The following DCHS2 variants were observed in gnomAD, a reference collection of about 807,000 sequenced individuals.
DCHS2 encodes protocadherin-23.
A neutral mutation model predicts 182.4 loss-of-function variants in DCHS2; 142 were observed. The ratio of observed to expected loss-of-function variants is 0.78; its 90% CI spans 0.68 to 0.89. DCHS2 has a LOEUF of 0.89. Among genes scored for constraint, DCHS2 ranks in the 40% least tolerant of loss-of-function variants. The probability of loss-of-function intolerance (pLI) is 0.00; values close to 1 mark genes in which losing one functional copy is unlikely to be tolerated. For synonymous variants in DCHS2, 1,740 were observed against 1,663.3 expected, an observed-to-expected ratio of 1.05 and a Z score of -1.12; for missense variants, 4,319 against 4,198.6, an observed-to-expected ratio of 1.03 and a Z score of -0.79.
At chr4:154,369,449 A>G (rs909329407) in intron 2 of DCHS2, among the ~76,000 whole-genome samples, 1 of 152,180 alleles carries the variant, frequency 6.6e-6, no homozygotes, top group Non-Finnish European at 1.5e-5. Flanking sequence ...GCTGATCTAA[A>G]CTAATTTTCT....
chr4:154,424,392 A>G (rs1733237736), intron 1 of DCHS2, among the ~76,000 whole-genome samples: 1 of 152,230 alleles, frequency 6.6e-6, no homozygotes, highest in Non-Finnish European at 1.5e-5. Flanking sequence ...CCTTGTCTTT[A>G]TGCAGTGATT....
intron 1 of DCHS2, among the ~76,000 whole-genome samples, chr4:154,463,692 T>TTTTTTCTCTCTCTC (rs1011716388): frequency 6.9e-5 from 10 of 145,264 alleles, no homozygotes; most frequent in African/African-American, 2.5e-4. Context: ...ATTCTCTCTT[T>TTTTTTCTCTCTCTC]TCTCTCTCTC....
chr4:154,380,236 C>T (rs1731110132), intron 1 of DCHS2, among the ~76,000 whole-genome samples: 1 of 152,102 alleles, frequency 6.6e-6, no homozygotes, highest in African/African-American at 2.4e-5. Flanking sequence ...TCATCTATCT[C>T]ATATTCTGTA....
intron 13 of DCHS2, among the ~76,000 whole-genome samples, chr4:154,284,911 C>T (rs568313301): frequency 1.4e-4 from 22 of 152,238 alleles, no homozygotes; most frequent in African/African-American, 5.1e-4. Context: ...CAAGGGAGTA[C>T]TTTCACCACC....
intron 13 of DCHS2, among the ~76,000 whole-genome samples, chr4:154,278,261 A>G (rs909186732): frequency 1.3e-5 from 2 of 152,118 alleles, no homozygotes; most frequent in East Asian, 3.9e-4. Flanking sequence ...ACTTGATCAA[A>G]CAGAGGAATC....
chr4:154,374,600 T>C (rs538975134), intron 2 of DCHS2, among the ~76,000 whole-genome samples: 5 of 152,162 alleles, frequency 3.3e-5, no homozygotes, highest in Admixed American at 6.6e-5. Context: ...ACCAAACAGA[T>C]CATGAATATT....
At chr4:154,323,977 T>C (rs1736182675) in intron 7 of DCHS2, among the ~76,000 whole-genome samples, 2 of 152,188 alleles carry the variant, frequency 1.3e-5, no homozygotes, top group Non-Finnish European at 2.9e-5. Flanking sequence ...TTTTCATGTA[T>C]TAGCTGGAAT....
chr4:154,370,196 A>G (rs1290687424), intron 2 of DCHS2, among the ~76,000 whole-genome samples: 1 of 152,226 alleles, frequency 6.6e-6, no homozygotes, highest in Non-Finnish European at 1.5e-5. Context: ...CACCAAATCC[A>G]AGAGAAGCAG....
intron 15 of DCHS2, 54 bp downstream of exon 15, chr4:154,259,491 C>T: frequency 1.3e-6 from 2 of 1,584,356 alleles, no homozygotes; most frequent in Non-Finnish European, 1.7e-6. Flanking sequence ...CTCTCTCACA[C>T]AGACACACCC....
intron 1 of DCHS2, among the ~76,000 whole-genome samples, chr4:154,448,657 T>C (rs1579092694): frequency 1.3e-5 from 2 of 152,288 alleles, no homozygotes; most frequent in South Asian, 4.1e-4. Flanking sequence ...TTTGATGACT[T>C]TTTACTATAA....
At chr4:154,417,158 AGTGT>A (rs778940410) in intron 1 of DCHS2, among the ~76,000 whole-genome samples, 1,655 of 77,892 alleles carry the variant, frequency 0.021, 37 homozygotes, top group Non-Finnish European at 0.027. Context: ...GCCGGTCCCG[AGTGT>A]GTGTGTGTGT....
chr4:154,419,643 T>A, intron 1 of DCHS2, among the ~76,000 whole-genome samples: 1 of 30,556 alleles, frequency 3.3e-5, no homozygotes, highest in Admixed American at 5.4e-4. Flanking sequence ...GAAACGAAAC[T>A]CCATCTCAAA....
rs1274885803 is a variant in DCHS2, at chr4:154,459,068, G to A, written c.2052+30236C>T. 5.3e-5 allele frequency among the ~76,000 whole-genome samples: 8 copies of A among 152,264 alleles called. No individual in the cohort carries two copies. In the East Asian group the frequency reaches 1.5e-3, roughly 29 times the overall value. Reference sequence around the variant, plus strand: ...TTTCCAAGAAGATAATGTCTTTGCAGTTACACAATGGAGGCCAGAATTTTA... The same window carrying A: ...TTTCCAAGAAGATAATGTCTTTGCAATTACACAATGGAGGCCAGAATTTTA... On this transcript the variant is annotated intron_variant, in intron 1 of 19. Coordinates refer to ENST00000357232, the MANE Select transcript of DCHS2 (RefSeq NM_001358235.2).
chr4:154,407,953 C>A (rs1732467589), intron 1 of DCHS2, among the ~76,000 whole-genome samples: 1 of 152,038 alleles, frequency 6.6e-6, no homozygotes, highest in South Asian at 2.1e-4. Context: ...ATAACTAGAC[C>A]CTCCCTGCTG....
At chr4:154,352,409 C>A (rs1578998559) in intron 3 of DCHS2, 1 of 152,122 alleles carries the variant, frequency 6.6e-6, no homozygotes, top group Non-Finnish European at 1.5e-5. Flanking sequence ...ATCTAGTTGT[C>A]CTTACAGAAA....
intron 1 of DCHS2, among the ~76,000 whole-genome samples, chr4:154,468,920 A>G (rs1641307201): frequency 1.3e-5 from 2 of 152,282 alleles, no homozygotes; most frequent in African/African-American, 4.8e-5. Flanking sequence ...AGGAAGGGAG[A>G]GACGTGAAGA....
Position 154,249,608 on chromosome 4 carries a change from A to G in DCHS2, c.6941+5911T>C, listed in dbSNP as rs568103960. On this transcript the variant is annotated intron_variant, in intron 16 of 19. Coordinates refer to ENST00000357232, the MANE Select transcript of DCHS2 (RefSeq NM_001358235.2). ...AAGGTAGATCATTAGAGCAAAAAAT[A>G]CATGCATTTATATGTTCATCACCAC... Among the ~76,000 whole-genome samples the G allele has an allele frequency of 3.9e-5, 6 of 152,284 alleles. No homozygotes were observed. In the South Asian group the frequency reaches 1.2e-3, roughly 32 times the overall value.
rs1731876337 is a variant in DCHS2 at position 154,395,161 on chromosome 4, T to G, written c.2053-17717A>C. Among the ~76,000 whole-genome samples, 3 of 152,198 alleles carry G rather than the reference T, an allele frequency of 2.0e-5. No individual in the cohort carries two copies. The South Asian group carries it at 6.2e-4, about 31-fold the overall frequency. ...CTAGTGCAGAGAAGTAAAAATATGT[T>G]AGCTGTTTATATCATTAAGGGCATT... is the stretch of plus-strand genomic sequence containing the variant. On this transcript the variant is annotated intron_variant, in intron 1 of 19. Transcript: ENST00000357232.
At chr4:154,261,372 CTCA>C (rs1441076692) in intron 14 of DCHS2, among the ~76,000 whole-genome samples, 37 of 152,168 alleles carry the variant, frequency 2.4e-4, no homozygotes, top group African/African-American at 8.0e-4. Flanking sequence ...TTGTCTGCCC[CTCA>C]TCATCACATA....
Sources: gnomAD v4.1 joint callset for allele counts (sites outside exome capture counted in the v4.1 genomes callset) on GRCh38, gnomAD v4.1.1 for gene constraint, MANE v1.5 for transcripts, NCBI Gene and HGNC (gene_info 2026-07-23, HGNC 2026-07-21) for gene names.